Variants in PDE8B observed in about 807,000 individuals in gnomAD.
PDE8B encodes the protein phosphodiesterase 8B.
A neutral mutation model predicts 101.3 loss-of-function variants in PDE8B; 26 were observed. The observed-to-expected ratio is 0.26, with a 90% confidence interval of 0.19 to 0.36. The LOEUF (loss-of-function observed/expected upper bound fraction) is 0.36, where lower values mean the gene tolerates loss of function less well. Ranked by LOEUF, PDE8B falls within the 10% of genes least tolerant of loss-of-function variation. The probability of loss-of-function intolerance (pLI) is 1.00; values close to 1 mark genes in which losing one functional copy is unlikely to be tolerated. For synonymous variants in PDE8B, 424 were observed against 429.3 expected (o/e 0.99, Z 0.15); for missense variants, 810 against 1,163.1 (o/e 0.70, Z 4.42).
chr5:77,206,773 TC>T (rs1453582111), upstream of PDE8B, among the ~76,000 whole-genome samples: 1 of 152,158 alleles, frequency 6.6e-6, no homozygotes, highest in East Asian at 1.9e-4. Context: ...CTGAAGAAAG[TC>T]TCTGGGATGG....
the PDE8B span, among the ~76,000 whole-genome samples, chr5:77,190,148 A>T: frequency 2.7e-3 from 412 of 152,298 alleles, 1 homozygote; most frequent in African/African-American, 9.6e-3. Context: ...GAGTTGAGTC[A>T]GCTGACCTGG....
intron 6 of PDE8B, among the ~76,000 whole-genome samples, chr5:77,342,485 A>G (rs1779376111): frequency 6.6e-6 from 1 of 151,616 alleles, no homozygotes; most frequent in Non-Finnish European, 1.5e-5. Context: ...GAATGCCTTT[A>G]TGAGTGGAAA....
intron 1 of PDE8B, among the ~76,000 whole-genome samples, chr5:77,226,522 G>T (rs979697651): frequency 2.0e-5 from 3 of 152,080 alleles, no homozygotes; most frequent in Admixed American, 2.0e-4. Context: ...AGTAATTTTT[G>T]CTATTGTAAT....
chr5:77,182,693 G>A, the PDE8B span, among the ~76,000 whole-genome samples: 3,155 of 151,202 alleles, frequency 0.021, 111 homozygotes, highest in African/African-American at 0.073. Flanking sequence ...TAGTTAAATT[G>A]TCTTTAAAAG....
intron 10 of PDE8B, among the ~76,000 whole-genome samples, chr5:77,397,025 A>ATT (rs1442227537): frequency 1.4e-4 from 13 of 91,558 alleles, no homozygotes; most frequent in Non-Finnish European, 1.7e-4. Flanking sequence ...TCCGATAAGA[A>ATT]ATTTTTTTTT....
At chr5:77,329,194 T>C (rs1030191217) in intron 4 of PDE8B, 137 bp downstream of exon 4, 7 of 708,046 alleles carry the variant, frequency 9.9e-6, no homozygotes, top group Admixed American at 6.2e-5. Flanking sequence ...ATCTTGATCT[T>C]GCTTTGGGGG....
chr5:77,410,354 G>A (rs994284801), intron 14 of PDE8B: 1 of 152,282 alleles, frequency 6.6e-6, no homozygotes, highest in Non-Finnish European at 1.5e-5. Flanking sequence ...AATGAGGGTG[G>A]TAACTTCTGG....
chr5:77,401,707 CAG>C (rs1284713385), intron 11 of PDE8B, among the ~76,000 whole-genome samples: 3 of 151,892 alleles, frequency 2.0e-5, no homozygotes, highest in African/African-American at 4.8e-5. Context: ...CTTTTTGCCA[CAG>C]AGTACAGCTG....
At chr5:77,411,759 C>CGA (rs1342406322) in intron 15 of PDE8B, 38 bp downstream of exon 15, 1 of 1,465,220 alleles carries the variant, frequency 6.8e-7, no homozygotes. Flanking sequence ...TGTAACCTGT[C>CGA]TCCAGCCTGT....
chr5:77,260,925 C>T (rs1232186268), intron 1 of PDE8B, among the ~76,000 whole-genome samples: 2 of 152,014 alleles, frequency 1.3e-5, no homozygotes, highest in East Asian at 1.9e-4. Flanking sequence ...CCCCAAGTAC[C>T]CTGTTTCTTT....
chr5:77,409,443 A>G (rs1190795084), intron 14 of PDE8B, among the ~76,000 whole-genome samples: 2 of 152,170 alleles, frequency 1.3e-5, no homozygotes, highest in East Asian at 1.9e-4. Context: ...TCCTCATGTA[A>G]TGAAAGGGTT....
the PDE8B span, among the ~76,000 whole-genome samples, chr5:77,107,584 A>G: frequency 1.3e-5 from 2 of 152,184 alleles, no homozygotes; most frequent in Non-Finnish European, 2.9e-5. Flanking sequence ...GAGAGAGGGT[A>G]TCCTTGCCTG....
chr5:77,141,865 A>G, the PDE8B span: 3 of 152,252 alleles, frequency 2.0e-5, no homozygotes, highest in Non-Finnish European at 4.4e-5. Context: ...CTATTTTGAT[A>G]TGAATTACCA....
intron 1 of PDE8B, among the ~76,000 whole-genome samples, chr5:77,278,509 G>A (rs551631184): frequency 2.0e-5 from 3 of 152,054 alleles, no homozygotes; most frequent in East Asian, 3.9e-4. Flanking sequence ...TCACTCTGTC[G>A]CCCTGGCTGG....
chr5:77,276,066 T>C (rs1247513550), intron 1 of PDE8B, among the ~76,000 whole-genome samples: 1 of 152,254 alleles, frequency 6.6e-6, no homozygotes, highest in Non-Finnish European at 1.5e-5. Context: ...AGTGATTGTC[T>C]CAAACCTCTA....
At chr5:77,293,986 A>C (rs1022281282) in intron 1 of PDE8B, among the ~76,000 whole-genome samples, 1 of 152,162 alleles carries the variant, frequency 6.6e-6, no homozygotes, top group Non-Finnish European at 1.5e-5. Flanking sequence ...TTCTCTCCTC[A>C]TATGTGGTTT....
intron 10 of PDE8B, among the ~76,000 whole-genome samples, chr5:77,354,832 AAGTCCTACC>A (rs1326907360): frequency 6.6e-6 from 1 of 152,152 alleles, no homozygotes; most frequent in Non-Finnish European, 1.5e-5. Flanking sequence ...CCATGTGCCC[AAGTCCTACC>A]AGTCCTTCAT....
At chr5:77,379,001 C>T (rs1786920797) in intron 10 of PDE8B, among the ~76,000 whole-genome samples, 2 of 143,412 alleles carry the variant, frequency 1.4e-5, no homozygotes, top group African/African-American at 4.9e-5. Flanking sequence ...AAAGATAAAA[C>T]ATTTAAGCCT....
chr5:77,350,983 C>T, intron 8 of PDE8B, 82 bp from the exon 9 acceptor site: 1 of 961,260 alleles, frequency 1.0e-6, no homozygotes, highest in Non-Finnish European at 1.7e-6. Context: ...GGGAATGTTC[C>T]TTCTCAGCCT....
Sources: allele counts gnomAD v4.1 joint callset (sites outside exome capture counted in the v4.1 genomes callset), GRCh38; gene constraint gnomAD v4.1.1; transcripts MANE v1.5; gene names NCBI Gene and HGNC (gene_info 2026-07-23, HGNC 2026-07-21).